The following AGAP1 variants were observed in gnomAD, a reference collection of about 807,000 sequenced individuals.
The protein encoded by AGAP1 is arf-GAP with GTPase, ANK repeat and PH domain-containing protein 1.
A neutral mutation model predicts 105.3 loss-of-function variants in AGAP1; 29 were observed. The observed-to-expected ratio is 0.28, with a 90% CI of 0.21 to 0.38. AGAP1 has a LOEUF of 0.38. AGAP1 is among the 10% of genes least tolerant of loss of function. The pLI is 1.00. For synonymous variants in AGAP1, 509 were observed against 485.9 expected (o/e 1.05, Z -0.63); for missense variants, 998 against 1,165.1 (o/e 0.86, Z 2.09).
At chr2:235,794,295 T>G (rs776366032) in intron 6 of AGAP1, among the ~76,000 whole-genome samples, 32 of 152,182 alleles carry the variant, frequency 2.1e-4, no homozygotes, top group Non-Finnish European at 4.0e-4. Context: ...GCATTACTCT[T>G]GGGAGTCTCA....
chr2:235,864,503 G>A lies in AGAP1; in HGVS notation c.1051-18842G>A, dbSNP rs1055812718. On this transcript the variant is annotated intron_variant, in intron 9 of 17. Coordinates refer to ENST00000304032, the MANE Select transcript of AGAP1 (RefSeq NM_001037131.3). This position sits in a 1 kb window ranked among gnomAD's most constrained non-coding sequence, Gnocchi z 5.0. ...GTGGGCGGCCGGAAGGTGGTTGAGC[G>A]TTTCCGCTCCACTGCGCGGCCCCGG... Among the ~76,000 whole-genome samples the A allele has an allele frequency of 2.6e-5, 4 of 152,190 alleles. No homozygotes were observed. Among genetic ancestry groups the A allele is most frequent in the East Asian group, 1.9e-4 (1 of 5,190 alleles).
chr2:236,099,563 C>T (rs1273653601), intron 16 of AGAP1, among the ~76,000 whole-genome samples: 1 of 152,158 alleles, frequency 6.6e-6, no homozygotes, highest in Non-Finnish European at 1.5e-5. Flanking sequence ...GACATTTTAT[C>T]ATAGGGAGGC....
In AGAP1 at chr2:235,882,052, T is replaced by TTTTTG. The variant is rs573880651; in HGVS notation, c.1051-1277_1051-1273dup. On this transcript the variant is annotated intron_variant, in intron 9 of 17. Coordinates refer to ENST00000304032, the MANE Select transcript of AGAP1 (RefSeq NM_001037131.3). This position sits in a 1 kb window ranked among gnomAD's most constrained non-coding sequence, Gnocchi z 4.6. ...GGGTTTTTCTGGGGTTTTTTTGTGG[T>TTTTTG]TTTTGTTTTGTTTTGTTTTGGTGGG... Among the ~76,000 whole-genome samples, 14 of 152,032 alleles carry TTTTTG rather than the reference T, an allele frequency of 9.2e-5. No homozygotes were observed. Among genetic ancestry groups the TTTTTG allele is most frequent in the African/African-American group, 2.4e-4 (10 of 41,396 alleles).
chr2:235,593,193 C>G (rs1307914824), intron 1 of AGAP1, among the ~76,000 whole-genome samples: 1 of 152,156 alleles, frequency 6.6e-6, no homozygotes, highest in Non-Finnish European at 1.5e-5. Flanking sequence ...GGCATTCAGA[C>G]GGGCAGCTTT....
rs1299213874 is a variant in AGAP1 at position 235,830,904 on chromosome 2, G to A, written c.1050+23573G>A. Among the ~76,000 whole-genome samples, 8 of 152,184 alleles carry A rather than the reference G, an allele frequency of 5.3e-5. 1 individual carries two copies. The highest frequency in any genetic ancestry group is 1.9e-4 in the African/African-American group (8 of 41,444). On this transcript the variant is annotated intron_variant, in intron 9 of 17. Coordinates refer to ENST00000304032, the MANE Select transcript of AGAP1 (RefSeq NM_001037131.3). This position sits in a 1 kb window ranked among gnomAD's most constrained non-coding sequence, Gnocchi z 5.5. ...TAGCTGGTTAGTTGTCTGCAGCTAAGCAGGAATGGGACTGGATGGTGGGGA... is the reference window on the plus strand; with the variant it reads ...TAGCTGGTTAGTTGTCTGCAGCTAAACAGGAATGGGACTGGATGGTGGGGA...
intron 13 of AGAP1, among the ~76,000 whole-genome samples, chr2:235,969,511 C>T (rs1016828293): frequency 6.6e-6 from 1 of 152,206 alleles, no homozygotes; most frequent in African/African-American, 2.4e-5. Context: ...GTGAGGGTCT[C>T]ATGCCCAGGG....
intron 1 of AGAP1, among the ~76,000 whole-genome samples, chr2:235,537,037 A>C (rs1233390104): frequency 6.6e-6 from 1 of 152,218 alleles, no homozygotes; most frequent in Non-Finnish European, 1.5e-5. Flanking sequence ...CCTGATGAGC[A>C]GCTCCTCTGC....
intron 1 of AGAP1, among the ~76,000 whole-genome samples, chr2:235,674,289 C>T (rs1290297648): frequency 6.6e-6 from 1 of 152,230 alleles, no homozygotes; most frequent in African/African-American, 2.4e-5. Context: ...TTCGTGTTAA[C>T]TGATACACAT....
chr2:235,691,008 A>G lies in AGAP1; in HGVS notation c.164-18171A>G, dbSNP rs951914303. On this transcript the variant is annotated intron_variant, in intron 1 of 17. Transcript: ENST00000304032. The surrounding 1 kb of genome is among the most constrained non-coding windows in gnomAD (Gnocchi z 4.4). The stretch of plus-strand genomic sequence containing the variant: ...CCACCTGGTTTTCTCCAATTAGGCT[A>G]TGAGCCTGTATCTTAGAACACTCAG... 4.6e-5 allele frequency among the ~76,000 whole-genome samples: 7 copies of G among 152,250 alleles called. No individual in the cohort carries two copies. The highest frequency in any genetic ancestry group is 3.9e-4 in the East Asian group (2 of 5,164).
chr2:235,534,349 G>A (rs949444945), intron 1 of AGAP1, among the ~76,000 whole-genome samples: 1 of 152,196 alleles, frequency 6.6e-6, no homozygotes, highest in Non-Finnish European at 1.5e-5. Context: ...TGTGATGATA[G>A]GGGGTCGGCC....
At chr2:235,502,700 C>CTTTTTTTTT in intron 1 of AGAP1, among the ~76,000 whole-genome samples, 1 of 110,990 alleles carries the variant, frequency 9.0e-6, no homozygotes, top group Non-Finnish European at 1.8e-5. Context: ...TTTTATTTGC[C>CTTTTTTTTT]TTTTTTTTTT....
In AGAP1 at chr2:235,607,560, T is replaced by C. The variant is rs546157387; in HGVS notation, c.164-101619T>C. ...GTGTCCACTGTCAGAGGATGGAGAT[T>C]GATCTGGGGTTACCTTTTTCAGCCT... On this transcript the variant is annotated intron_variant, in intron 1 of 17. Coordinates refer to ENST00000304032, the MANE Select transcript of AGAP1 (RefSeq NM_001037131.3). 9.8e-5 allele frequency among the ~76,000 whole-genome samples: 15 copies of C among 152,310 alleles called. No individual in the cohort carries two copies. In the East Asian group the frequency reaches 2.7e-3, roughly 27 times the overall value.
At position 235,623,810 on chromosome 2, in the gene AGAP1, G is replaced by GGCA. The variant is rs575504946; in HGVS notation, c.164-85368_164-85367insCAG. 1.1e-3 allele frequency among the ~76,000 whole-genome samples: 162 copies of GGCA among 152,156 alleles called. 1 individual carries two copies. The highest frequency in any genetic ancestry group is 2.1e-3 in the Non-Finnish European group (142 of 68,004). ...TATTGTAGTTTTTTTCAATATTTAT[G>GGCA]GAATGCTTAGTATTTGTAATGCAAC... is the stretch of plus-strand genomic sequence containing the variant. On this transcript the variant is annotated intron_variant, in intron 1 of 17. Coordinates refer to ENST00000304032, the MANE Select transcript of AGAP1 (RefSeq NM_001037131.3). This position sits in a 1 kb window ranked among gnomAD's most constrained non-coding sequence, Gnocchi z 4.5.
chr2:235,716,020 T>C lies in AGAP1; in HGVS notation c.223-1537T>C, dbSNP rs1951084526. On this transcript the variant is annotated intron_variant, in intron 2 of 17. Coordinates refer to ENST00000304032, the MANE Select transcript of AGAP1 (RefSeq NM_001037131.3). This position sits in a 1 kb window ranked among gnomAD's most constrained non-coding sequence, Gnocchi z 4.0. Reference sequence around the variant, plus strand: ...GGAGCTAAGTAGGGGCGCCTGGAGCTGGGGTGGACGGCGGCCAGGGGATGC... The same window carrying C: ...GGAGCTAAGTAGGGGCGCCTGGAGCCGGGGTGGACGGCGGCCAGGGGATGC... Among the ~76,000 whole-genome samples the C allele has an allele frequency of 6.6e-6, 1 of 152,134 alleles. No individual in the cohort carries two copies. The highest frequency in any genetic ancestry group is 2.4e-5 in the African/African-American group (1 of 41,424).
At chr2:236,102,331 T>C (rs2125909890) in intron 16 of AGAP1, among the ~76,000 whole-genome samples, 1 of 146,408 alleles carries the variant, frequency 6.8e-6, no homozygotes, top group Admixed American at 7.1e-5. Context: ...GCAAGGAGAA[T>C]GGCGTGAACC....
rs146787930 is a variant in AGAP1 at position 236,061,193 on chromosome 2, A to G, written c.2114+11912A>G. Among the ~76,000 whole-genome samples, 1 of 152,226 alleles carries G rather than the reference A, an allele frequency of 6.6e-6. No homozygotes were observed. The highest frequency in any genetic ancestry group is 1.5e-5 in the Non-Finnish European group (1 of 68,018). On this transcript the variant is annotated intron_variant, in intron 16 of 17. Coordinates refer to ENST00000304032, the MANE Select transcript of AGAP1 (RefSeq NM_001037131.3). The surrounding 1 kb of genome is among the most constrained non-coding windows in gnomAD (Gnocchi z 4.1). Reference sequence around the variant, plus strand: ...ATTACTTTTTAGGGAAATGCAGATCACCCTTGAGCCCCCACCGCACGTGCT... The same window carrying G: ...ATTACTTTTTAGGGAAATGCAGATCGCCCTTGAGCCCCCACCGCACGTGCT...
At chr2:235,656,052 T>G (rs1947760931) in intron 1 of AGAP1, among the ~76,000 whole-genome samples, 1 of 152,224 alleles carries the variant, frequency 6.6e-6, no homozygotes, top group Middle Eastern at 3.2e-3. Context: ...GTTTCTTCCT[T>G]CCCTGCAAGG....
At position 235,614,835 on chromosome 2, in the gene AGAP1, G is replaced by T. The variant is rs972507122; in HGVS notation, c.164-94344G>T. Among the ~76,000 whole-genome samples the T allele has an allele frequency of 1.3e-5, 2 of 152,180 alleles. No individual in the cohort carries two copies. The highest frequency in any genetic ancestry group is 4.8e-5 in the African/African-American group (2 of 41,454). Reference sequence around the variant, plus strand: ...TCTTGGCCTCCTAGGGAATCAGTTTGATTCTGTGGCTATTAAATTAATGGT... The same window carrying T: ...TCTTGGCCTCCTAGGGAATCAGTTTTATTCTGTGGCTATTAAATTAATGGT... On this transcript the variant is annotated intron_variant, in intron 1 of 17. Coordinates refer to ENST00000304032, the MANE Select transcript of AGAP1 (RefSeq NM_001037131.3). This position sits in a 1 kb window ranked among gnomAD's most constrained non-coding sequence, Gnocchi z 4.7.
Position 236,102,602 on chromosome 2 carries a change from G to A in AGAP1, c.2115-17590G>A, listed in dbSNP as rs1017754137. The stretch of plus-strand genomic sequence containing the variant: ...GAGACTGTTAAAAAAAAAAAAAAAA[G>A]AAAGAAAGAAAGAAAACTTCCTTTG... On this transcript the variant is annotated intron_variant, in intron 16 of 17. Coordinates refer to ENST00000304032, the MANE Select transcript of AGAP1 (RefSeq NM_001037131.3). Among the ~76,000 whole-genome samples the A allele has an allele frequency of 1.6e-4, 23 of 146,942 alleles. No homozygotes were observed. The East Asian group carries it at 2.8e-3, about 18-fold the overall frequency.
Sources: allele counts gnomAD v4.1 joint callset (sites outside exome capture counted in the v4.1 genomes callset), GRCh38; gene constraint gnomAD v4.1.1; non-coding constraint Gnocchi (gnomAD v3.1); transcripts MANE v1.5; gene names NCBI Gene and HGNC (gene_info 2026-07-23, HGNC 2026-07-21).